Variants in BLTP1 observed in about 807,000 individuals in gnomAD.
BLTP1 encodes the protein fragile site-associated protein.
the BLTP1 span, chr4:122,336,089 A>C: frequency 8.2e-6 from 7 of 851,426 alleles, no homozygotes; most frequent in Admixed American, 3.1e-5. Flanking sequence ...GTAAGGCCTT[A>C]AATGTGAGGT....
At chr4:122,299,196 A>G in the BLTP1 span, 4 of 960,708 alleles carry the variant, frequency 4.2e-6, no homozygotes, top group Non-Finnish European at 5.0e-6. Context: ...GGTGTATCAG[A>G]AAGAGTTTGA....
At chr4:122,361,999 C>T in the BLTP1 span, 1 of 1,581,766 alleles carries the variant, frequency 6.3e-7, no homozygotes, top group East Asian at 2.3e-5. Context: ...GGGCATTACA[C>T]TCCTTAATAA....
the BLTP1 span, chr4:122,207,442 G>A: frequency 6.9e-7 from 1 of 1,454,232 alleles, no homozygotes; most frequent in Non-Finnish European, 9.0e-7. Flanking sequence ...ACTTAATTTT[G>A]TTTAGTTGTG....
At chr4:122,299,759 T>C in the BLTP1 span, 2 of 976,256 alleles carry the variant, frequency 2.0e-6, no homozygotes. Context: ...TATGTATGTA[T>C]GTATATGGCT....
the BLTP1 span, chr4:122,356,040 C>G: frequency 3.7e-6 from 5 of 1,357,858 alleles, no homozygotes; most frequent in Admixed American, 3.9e-5. Context: ...AAAGGCACTT[C>G]AAACTACTGC....
At chr4:122,173,062 A>G in the BLTP1 span, 2 of 1,612,968 alleles carry the variant, frequency 1.2e-6, no homozygotes, top group Non-Finnish European at 1.7e-6. Context: ...TGGATGGATT[A>G]TTTACCTCAC....
At chr4:122,192,485 C>T in the BLTP1 span, 1 of 769,788 alleles carries the variant, frequency 1.3e-6, no homozygotes, top group East Asian at 2.8e-5. Flanking sequence ...TTTATTATGG[C>T]AGAGGAAGAT....
At chr4:122,274,243 C>A in the BLTP1 span, 1 of 729,396 alleles carries the variant, frequency 1.4e-6, no homozygotes. Context: ...TTAAAATTAT[C>A]TTTTGCTACT....
chr4:122,348,667 G>A, the BLTP1 span: 1 of 1,612,070 alleles, frequency 6.2e-7, no homozygotes, highest in Non-Finnish European at 8.5e-7. Flanking sequence ...CTATCAACTT[G>A]AAGCAATTAA....
At chr4:122,220,544 A>T in the BLTP1 span, 1 of 1,265,538 alleles carries the variant, frequency 7.9e-7, no homozygotes, top group South Asian at 1.3e-5. Context: ...ACAATGTATT[A>T]GCTTCTGTGC....
At chr4:122,179,674 A>G in the BLTP1 span, among the ~76,000 whole-genome samples, 1 of 152,186 alleles carries the variant, frequency 6.6e-6, no homozygotes, top group Admixed American at 6.5e-5. Flanking sequence ...GGAAAAGGAC[A>G]CATACAGAGA....
the BLTP1 span, among the ~76,000 whole-genome samples, chr4:122,323,867 C>G: frequency 6.6e-6 from 1 of 151,972 alleles, no homozygotes; most frequent in Non-Finnish European, 1.5e-5. Context: ...ACATATTCCC[C>G]TCAATTCCCA....
the BLTP1 span, chr4:122,255,111 T>C: frequency 1.3e-6 from 2 of 1,591,526 alleles, no homozygotes; most frequent in Non-Finnish European, 1.7e-6. Flanking sequence ...TCTAAATCTA[T>C]TGTTGTTTCT....
At chr4:122,299,705 G>T in the BLTP1 span, 11 of 680,210 alleles carry the variant, frequency 1.6e-5, no homozygotes, top group African/African-American at 2.2e-4. Flanking sequence ...TGATAGCTGG[G>T]TTGGGGGGGT....
chr4:122,243,800 C>T, the BLTP1 span: 1 of 1,421,456 alleles, frequency 7.0e-7, no homozygotes, highest in East Asian at 2.6e-5. Flanking sequence ...AAGGAAGCTC[C>T]AACTTCTAAT....
chr4:122,271,728 A>C, the BLTP1 span: 1 of 1,534,846 alleles, frequency 6.5e-7, no homozygotes, highest in Non-Finnish European at 8.8e-7. Context: ...CCAGCAGGTA[A>C]CAGACATTTT....
the BLTP1 span, chr4:122,333,602 A>C: frequency 1.3e-6 from 2 of 1,552,636 alleles, no homozygotes; most frequent in East Asian, 4.6e-5. Context: ...ATTTTTTAAA[A>C]AGATAAGAAC....
chr4:122,331,502 C>T, the BLTP1 span: 1 of 1,611,448 alleles, frequency 6.2e-7, no homozygotes, highest in Non-Finnish European at 8.5e-7. Context: ...CTCCACCCAA[C>T]CACCCTTCTA....
chr4:122,232,280 T>A, the BLTP1 span: 1 of 258,384 alleles, frequency 3.9e-6, no homozygotes, highest in Non-Finnish European at 6.0e-6. Flanking sequence ...GCCAGTCATG[T>A]GTGGGCGGGT....
Sources: allele counts gnomAD v4.1 joint callset (sites outside exome capture counted in the v4.1 genomes callset), GRCh38; gene constraint gnomAD v4.1.1; transcripts MANE v1.5; gene names NCBI Gene and HGNC (gene_info 2026-07-23, HGNC 2026-07-21).